The following TMEM131 variants were observed in gnomAD, a reference collection of about 807,000 sequenced individuals.
TMEM131 encodes transmembrane protein 131.
Under a neutral mutation model 211.6 loss-of-function variants are expected in TMEM131, and 66 were observed. That is an observed-to-expected ratio of 0.31 (90% CI 0.26 to 0.38). The LOEUF is 0.38. TMEM131 is among the 10% of genes least tolerant of loss of function. The pLI is 1.00. For missense variants in TMEM131, 2,036 were observed against 2,299.3 expected (o/e 0.89, Z 2.34); for synonymous variants, 844 against 841.3 (o/e 1.00, Z -0.06).
At chr2:97,761,027 T>C in intron 36 of TMEM131, 113 bp from the exon 37 acceptor site, 1 of 1,398,130 alleles carries the variant, frequency 7.2e-7, no homozygotes, top group Non-Finnish European at 9.8e-7. Flanking sequence ...GCGGGGCAGC[T>C]CACAGAGCAT....
At chr2:97,995,426 G>A (rs1338634943) in intron 1 of TMEM131, 50 bp downstream of exon 1, 1 of 1,312,890 alleles carries the variant, frequency 7.6e-7, no homozygotes, top group Non-Finnish European at 9.7e-7. Flanking sequence ...CGGCCTCCGC[G>A]AGAGCGGGGT....
In TMEM131 at chr2:97,942,976, G is replaced by GAAAGAAAGA. The variant is rs375150069; in HGVS notation, c.188-15498_188-15490dup. ...ATGGCTACAAAAAAAAAGAAAGAAA[G>GAAAGAAAGA]AAAGAAAGAAAAGAAAGAAAAGAAA... On this transcript the variant is annotated intron_variant, in intron 1 of 40. Coordinates refer to ENST00000186436, the MANE Select transcript of TMEM131 (RefSeq NM_015348.2). Among the ~76,000 whole-genome samples the GAAAGAAAGA allele has an allele frequency of 1.5e-3, 147 of 99,300 alleles. 5 individuals carry two copies. Among genetic ancestry groups the GAAAGAAAGA allele is most frequent in the Middle Eastern group, 4.4e-3 (1 of 228 alleles). 65.1% of individuals were successfully genotyped at this position (99,300 alleles called of 152,430 possible).
At chr2:97,935,104 G>A (rs1424159601) in intron 1 of TMEM131, among the ~76,000 whole-genome samples, 1 of 152,082 alleles carries the variant, frequency 6.6e-6, no homozygotes, top group East Asian at 1.9e-4. Context: ...TAAAATATTT[G>A]CAAACTACAT....
chr2:97,835,041 A>T, intron 8 of TMEM131, 116 bp from the exon 9 acceptor site: 2 of 992,766 alleles, frequency 2.0e-6, no homozygotes, highest in African/African-American at 1.6e-5. Flanking sequence ...ACCTATTAAT[A>T]AAAAAAATGC....
At chr2:97,783,123 T>C (rs1039511358) in intron 31 of TMEM131, among the ~76,000 whole-genome samples, 8 of 152,108 alleles carry the variant, frequency 5.3e-5, no homozygotes, top group Non-Finnish European at 7.4e-5. Flanking sequence ...ACAATTAGAA[T>C]GACAGATTTC....
chr2:97,922,340 T>C (rs915891278), intron 2 of TMEM131, among the ~76,000 whole-genome samples: 4 of 151,966 alleles, frequency 2.6e-5, no homozygotes, highest in Non-Finnish European at 2.9e-5. Context: ...GGCATGGGGG[T>C]TGGGGATCCC....
At chr2:97,804,691 G>A (rs1317335596) in intron 22 of TMEM131, among the ~76,000 whole-genome samples, 1 of 149,914 alleles carries the variant, frequency 6.7e-6, no homozygotes. Flanking sequence ...CTCTGGTCTT[G>A]TACCAAGTGC....
At chr2:97,786,459 T>TG (rs1680253589) in intron 31 of TMEM131, among the ~76,000 whole-genome samples, 1 of 152,140 alleles carries the variant, frequency 6.6e-6, no homozygotes, top group Non-Finnish European at 1.5e-5. Flanking sequence ...CCCTTAAGTC[T>TG]GGGAGGCTGC....
intron 4 of TMEM131, among the ~76,000 whole-genome samples, chr2:97,881,723 A>AGGGGGGGG (rs59488414): frequency 6.1e-5 from 4 of 65,550 alleles, no homozygotes; most frequent in African/African-American, 6.7e-5. Flanking sequence ...AAAAAAAAAA[A>AGGGGGGGG]GGGGGGGGGG....
In TMEM131 at chr2:97,846,580, C is replaced by T. The variant is rs184940334; in HGVS notation, c.484-2319G>A. Reference sequence around the variant, plus strand: ...TACAAAAACCCTAAAGAAGCTTGTCCATCCTGCAGCCCATGGGCTGCATGC... The same window carrying T: ...TACAAAAACCCTAAAGAAGCTTGTCTATCCTGCAGCCCATGGGCTGCATGC... On this transcript the variant is annotated intron_variant, in intron 5 of 40. Transcript: ENST00000186436. 2.1e-4 allele frequency among the ~76,000 whole-genome samples: 32 copies of T among 152,258 alleles called. 2 individuals carry two copies. In the East Asian group the frequency reaches 6.0e-3, roughly 29 times the overall value.
chr2:97,792,614 G>A lies in TMEM131; in HGVS notation c.3916C>T (p.Leu1306=). Residue 1306 remains leucine, a synonymous_variant, in exon 31 of 41, where the codon CTG becomes TTG. Transcript: ENST00000186436. ...TGGGGCTGAGGCACTGGCGGTGGCAGAGGAGGCTGAGGGTGCTGCTCCAGC... is the reference window on the plus strand; with the variant it reads ...TGGGGCTGAGGCACTGGCGGTGGCAAAGGAGGCTGAGGGTGCTGCTCCAGC... ...SPLEQHPQPP[L]PPPVPQPQEP... is the part of the protein sequence containing the mutation. 1 of 1,613,010 alleles carries A rather than the reference G, an allele frequency of 6.2e-7. No homozygotes were observed. The highest frequency in any genetic ancestry group is 1.7e-4 in the Middle Eastern group (1 of 6,060).
chr2:97,850,302 C>A (rs1387679756), intron 5 of TMEM131, among the ~76,000 whole-genome samples: 1 of 152,020 alleles, frequency 6.6e-6, no homozygotes, highest in African/African-American at 2.4e-5. Context: ...CAGAAAGGGG[C>A]AGTGAAGAAA....
At chr2:97,895,572 C>T (rs112742957) in intron 3 of TMEM131, among the ~76,000 whole-genome samples, 24 of 152,248 alleles carry the variant, frequency 1.6e-4, no homozygotes, top group Non-Finnish European at 3.2e-4. Context: ...TTCAGGGATT[C>T]GACTCCTTCC....
intron 33 of TMEM131, among the ~76,000 whole-genome samples, chr2:97,771,338 G>C (rs1679453913): frequency 6.6e-6 from 1 of 152,156 alleles, no homozygotes; most frequent in African/African-American, 2.4e-5. Flanking sequence ...GGGTTCTATA[G>C]AACAGGACTG....
intron 38 of TMEM131, 33 bp downstream of exon 38, chr2:97,760,560 G>A (rs766361249): frequency 5.2e-5 from 82 of 1,579,316 alleles, no homozygotes; most frequent in East Asian, 3.2e-4. Flanking sequence ...GAAGCCTTCC[G>A]TCTTTCTAGC....
At chr2:97,776,119 T>C (rs898186033) in intron 31 of TMEM131, 101 bp from the exon 32 acceptor site, 2 of 1,251,816 alleles carry the variant, frequency 1.6e-6, no homozygotes. Context: ...AGTGGCGAGA[T>C]CTTGGCTCAC....
intron 1 of TMEM131, among the ~76,000 whole-genome samples, chr2:97,952,444 T>C (rs563494324): frequency 6.6e-4 from 101 of 152,128 alleles, no homozygotes; most frequent in Non-Finnish European, 1.1e-3. Flanking sequence ...CAAAAAGTCT[T>C]AAAAGGAACC....
At position 97,995,776 on chromosome 2, in the gene TMEM131, G is replaced by A. The variant is rs1680485554; in HGVS notation, c.-114C>T. 16 of 775,266 alleles carry A rather than the reference G, an allele frequency of 2.1e-5. No homozygotes were observed. Among genetic ancestry groups the A allele is most frequent in the Non-Finnish European group, 2.3e-5 (14 of 604,598 alleles). The allele number at this position is 775,266 out of a possible 1,614,324, so 48.0% of individuals were successfully genotyped here. ...TGGCCGCGGCGCCGGGAGCGACAAC[G>A]GTTGCGAGCCCGGGGCTCGATCTCC... On this transcript the variant is annotated 5_prime_UTR_variant, in exon 1 of 41. Transcript: ENST00000186436.
intron 28 of TMEM131, 101 bp from the exon 29 acceptor site, chr2:97,795,216 T>C: frequency 1.2e-6 from 1 of 811,862 alleles, no homozygotes; most frequent in South Asian, 2.4e-5. Context: ...TAACACAGAA[T>C]TTGCGTTTGA....
Sources: allele counts gnomAD v4.1 joint callset (sites outside exome capture counted in the v4.1 genomes callset), GRCh38; gene constraint gnomAD v4.1.1; transcripts MANE v1.5; gene names NCBI Gene and HGNC (gene_info 2026-07-23, HGNC 2026-07-21).